Variants in UBE4B observed in about 807,000 individuals in gnomAD.
UBE4B encodes ubiquitin conjugation factor E4 B.
In UBE4B, 27 loss-of-function variants were observed where a neutral mutation model predicts 148.1. The observed-to-expected ratio is 0.18, with a 90% CI of 0.13 to 0.25. UBE4B has a LOEUF of 0.25. Ranked by LOEUF, UBE4B falls within the 10% of genes least tolerant of loss-of-function variation. UBE4B has a pLI of 1.00. For missense variants in UBE4B, 1,170 were observed against 1,662.4 expected, an observed-to-expected ratio of 0.70 and a Z score of 5.15; for synonymous variants, 596 against 619.3, an observed-to-expected ratio of 0.96 and a Z score of 0.56.
rs70998351 is a variant in UBE4B, at chr1:10,137,921, C to CTTTTTTTTTT, written c.2363+738_2363+747dup. On this transcript the variant is annotated intron_variant, in intron 17 of 27. Transcript: ENST00000343090. ...ACCTTGCTTAAATCACTTACTAATT[C>CTTTTTTTTTT]TTTTTTTTTTTTTTTTTTTTTTTTT... Among the ~76,000 whole-genome samples, 10 of 67,032 alleles carry CTTTTTTTTTT rather than the reference C, an allele frequency of 1.5e-4. 1 individual carries two copies. The highest frequency in any genetic ancestry group is 5.5e-4 in the African/African-American group (8 of 14,546). The allele number at this position is 67,032 out of a possible 152,430, so 44.0% of individuals were successfully genotyped here. A position where few individuals can be genotyped will look rare whatever the true frequency, so the allele number is the denominator to read the frequency against.
chr1:10,106,702 A>T lies in UBE4B; in HGVS notation c.1196+119A>T. The T allele has an allele frequency of 7.5e-7, 1 of 1,325,506 alleles. No homozygotes were observed. The highest frequency in any genetic ancestry group is 1.7e-5 in the South Asian group (1 of 59,400). 82.1% of individuals were successfully genotyped at this position (1,325,506 alleles called of 1,614,324 possible). ...GTTAAATTGTTGTTTTGGGTTATTA[A>T]CCTGTGTGGCTAACTAGTTTGGTAG... On this transcript the variant is annotated intron_variant, in intron 7 of 27. Transcript: ENST00000343090. This position sits in a 1 kb window ranked among gnomAD's most constrained non-coding sequence, Gnocchi z 4.2.
chr1:10,038,774 T>A (rs1643645338), intron 1 of UBE4B, among the ~76,000 whole-genome samples: 1 of 152,182 alleles, frequency 6.6e-6, no homozygotes, highest in Non-Finnish European at 1.5e-5. Flanking sequence ...ACTCCCAATT[T>A]TTTTTTTAAA....
At chr1:10,144,883 A>G in intron 17 of UBE4B, 57 bp from the exon 18 acceptor site, 2 of 1,307,318 alleles carry the variant, frequency 1.5e-6, no homozygotes, top group South Asian at 2.5e-5. Flanking sequence ...AGCAAGATGA[A>G]TGGGTAAGAT....
intron 15 of UBE4B, among the ~76,000 whole-genome samples, chr1:10,134,559 T>G (rs1178835268): frequency 6.6e-6 from 1 of 152,040 alleles, no homozygotes; most frequent in African/African-American, 2.4e-5. Flanking sequence ...GCCTCTTATA[T>G]AAATAATAAT....
chr1:10,092,536 A>AAAAGC (rs1644864494), intron 2 of UBE4B, among the ~76,000 whole-genome samples: 1 of 186 alleles, frequency 5.4e-3, no homozygotes, highest in South Asian at 0.062. Context: ...CCCATTTCTT[A>AAAAGC]AAATAAGGAG....
chr1:10,168,251 A>G lies in UBE4B; in HGVS notation c.3314A>G (p.Gln1105Arg), dbSNP rs1397210373. 1 of 1,614,162 alleles carries G rather than the reference A, an allele frequency of 6.2e-7. No individual in the cohort carries two copies. The highest frequency in any genetic ancestry group is 8.5e-7 in the Non-Finnish European group (1 of 1,180,014). The change falls in exon 24 of 28, where the codon CAG becomes CGG. Residue 1105 changes from glutamine (Q) to arginine (R), a missense_variant. Around this residue, in one of 6 missense-constraint regions of UBE4B, gnomAD observed 348 missense variants for 627.2 expected, o/e 0.55. Coordinates refer to ENST00000343090, the MANE Select transcript of UBE4B (RefSeq NM_001105562.3). The surrounding 1 kb of genome is among the most constrained non-coding windows in gnomAD (Gnocchi z 4.9). ...TTCCACATCCTCACGAAGCAGGTCCAGAAGCCCTTCCTCAGACCGGTGAGT... is the reference window on the plus strand; with the variant it reads ...TTCCACATCCTCACGAAGCAGGTCCGGAAGCCCTTCCTCAGACCGGTGAGT... ...DMFHILTKQV[Q>R]KPFLRPELGP...
At chr1:10,110,361 C>A (rs747568900) in intron 7 of UBE4B, among the ~76,000 whole-genome samples, 2 of 152,004 alleles carry the variant, frequency 1.3e-5, no homozygotes, top group Non-Finnish European at 2.9e-5. Context: ...CTGCTTTTTG[C>A]GCGAGTGGCA....
Position 10,168,888 on chromosome 1 carries a change from T to C in UBE4B, c.3333+618T>C, listed in dbSNP as rs1304916657. 7.4e-6 allele frequency among the ~76,000 whole-genome samples: 1 copy of C among 134,846 alleles called. No homozygotes were observed. Among genetic ancestry groups the C allele is most frequent in the Non-Finnish European group, 1.6e-5 (1 of 64,454 alleles). 88.5% of individuals were successfully genotyped at this position (134,846 alleles called of 152,430 possible). A position where few individuals can be genotyped will look rare whatever the true frequency, so the allele number is the denominator to read the frequency against. ...GCCTGGGCGACAGAGTGAGACTCCA[T>C]CTCAAAAAAAAAAAAAAAAGAAGAA... On this transcript the variant is annotated intron_variant, in intron 24 of 27. Transcript: ENST00000343090. The surrounding 1 kb of genome is among the most constrained non-coding windows in gnomAD (Gnocchi z 4.9).
intron 1 of UBE4B, among the ~76,000 whole-genome samples, chr1:10,047,781 C>T (rs572616553): frequency 6.6e-6 from 1 of 152,176 alleles, no homozygotes. Context: ...CTTGAGCCAC[C>T]GCCCTTGGCC....
At chr1:10,078,704 A>G (rs1644625138) in intron 2 of UBE4B, among the ~76,000 whole-genome samples, 1 of 152,186 alleles carries the variant, frequency 6.6e-6, no homozygotes, top group Non-Finnish European at 1.5e-5. Flanking sequence ...AGAGGAGGTC[A>G]TGATTGCTCA....
chr1:10,035,265 G>C (rs759224634), intron 1 of UBE4B, among the ~76,000 whole-genome samples: 69 of 152,056 alleles, frequency 4.5e-4, no homozygotes, highest in Middle Eastern at 6.8e-3. Context: ...CCAAAGTGCT[G>C]GGATTACAGG....
intron 10 of UBE4B, among the ~76,000 whole-genome samples, chr1:10,122,577 G>A (rs576364450): frequency 1.1e-4 from 16 of 152,318 alleles, no homozygotes; most frequent in African/African-American, 3.6e-4. Context: ...TTTATACATT[G>A]TTTTGGTATC....
intron 25 of UBE4B, among the ~76,000 whole-genome samples, chr1:10,175,792 A>G (rs1646420736): frequency 6.6e-6 from 1 of 152,160 alleles, no homozygotes; most frequent in South Asian, 2.1e-4. Flanking sequence ...GCGTCTCACA[A>G]ATGTAATGCT....
intron 1 of UBE4B, among the ~76,000 whole-genome samples, chr1:10,054,084 C>T (rs1644114283): frequency 6.6e-6 from 1 of 151,826 alleles, no homozygotes; most frequent in South Asian, 2.1e-4. Flanking sequence ...AAAAAAAAGA[C>T]AGGATTTTTG....
At chr1:10,049,446 G>A (rs901635191) in intron 1 of UBE4B, among the ~76,000 whole-genome samples, 5 of 152,080 alleles carry the variant, frequency 3.3e-5, no homozygotes, top group Admixed American at 1.3e-4. Flanking sequence ...CTAGGATTTT[G>A]ACAATTAGAA....
intron 7 of UBE4B, among the ~76,000 whole-genome samples, chr1:10,112,898 C>T (rs1557564660): frequency 6.6e-6 from 1 of 152,132 alleles, no homozygotes; most frequent in Non-Finnish European, 1.5e-5. Context: ...TTTTGAAACA[C>T]ATTGACAAAT....
rs1321034789 is a variant in UBE4B at position 10,179,477 on chromosome 1, C to T, written c.3762C>T (p.Asp1254=). Residue 1254 remains aspartate (D), a synonymous_variant, in exon 27 of 28, where the codon GAC becomes GAT. Coordinates refer to ENST00000343090, the MANE Select transcript of UBE4B (RefSeq NM_001105562.3). ...GGCTGCCCTCTGGCACCATCATGGA[C>T]CGCTCCATCATCCTGCGGCACCTGC... The part of the protein sequence containing the change: ...PVRLPSGTIM[D]RSIILRHLLN... 1 of 1,614,088 alleles carries T rather than the reference C, an allele frequency of 6.2e-7. No homozygotes were observed. Among genetic ancestry groups the T allele is most frequent in the Admixed American group, 1.7e-5 (1 of 60,006 alleles).
chr1:10,092,206 A>G (rs900392208), intron 2 of UBE4B, among the ~76,000 whole-genome samples: 6 of 148,830 alleles, frequency 4.0e-5, no homozygotes. Context: ...CCTGGCCAAC[A>G]TAGTGAGACC....
chr1:10,152,184 G>A (rs1369690473), intron 21 of UBE4B, among the ~76,000 whole-genome samples: 3 of 151,464 alleles, frequency 2.0e-5, no homozygotes, highest in African/African-American at 7.3e-5. Context: ...GCTTGAACCC[G>A]GGAGGCAGAA....
Sources: allele counts gnomAD v4.1 joint callset (sites outside exome capture counted in the v4.1 genomes callset), GRCh38; gene constraint gnomAD v4.1.1; regional missense constraint gnomAD v4.1.1; non-coding constraint Gnocchi (gnomAD v3.1); transcripts MANE v1.5; gene names NCBI Gene and HGNC (gene_info 2026-07-23, HGNC 2026-07-21).